Variants in TRIM22 observed in about 807,000 individuals in gnomAD.
TRIM22 encodes the protein E3 ubiquitin-protein ligase TRIM22.
In TRIM22, 45 loss-of-function variants were observed where a neutral mutation model predicts 53.6. That is an observed-to-expected ratio of 0.84 (90% CI 0.66 to 1.08). TRIM22 has a LOEUF of 1.08. Among genes scored for constraint, TRIM22 ranks in the 50% least tolerant of loss-of-function variants. TRIM22 has a pLI of 0.00. For synonymous variants in TRIM22, 225 were observed against 216.6 expected (o/e 1.04, Z -0.34); for missense variants, 616 against 590.9 (o/e 1.04, Z -0.44).
At chr11:5,708,786 G>A (rs368818538) in intron 7 of TRIM22, among the ~76,000 whole-genome samples, 183 bp downstream of exon 7, 6 of 150,900 alleles carry the variant, frequency 4.0e-5, no homozygotes, top group African/African-American at 7.3e-5. Context: ...GCGCGGTCTC[G>A]GCTCACTGCA....
chr11:5,701,555 T>C (rs924388839), intron 4 of TRIM22, among the ~76,000 whole-genome samples: 3 of 152,246 alleles, frequency 2.0e-5, no homozygotes, highest in African/African-American at 4.8e-5. Flanking sequence ...GAATATTCTA[T>C]GAATGCCATT....
rs1003505713 is a variant in TRIM22, at chr11:5,699,352, G to A, written c.750+807G>A. ...ATCCTGGCTAACAAGGTGAAACCCC[G>A]TCTCTACTAAAAATACAAAAAATTA... On this transcript the variant is annotated intron_variant, in intron 4 of 7. Transcript: ENST00000379965. Among the ~76,000 whole-genome samples the A allele has an allele frequency of 7.3e-5, 10 of 137,714 alleles. 1 individual carries two copies. Among genetic ancestry groups the A allele is most frequent in the Non-Finnish European group, 1.1e-4 (7 of 65,504 alleles). The allele number at this position is 137,714 out of a possible 152,430, so 90.3% of individuals were successfully genotyped here. A position where few individuals can be genotyped will look rare whatever the true frequency, so the allele number is the denominator to read the frequency against.
In TRIM22 at chr11:5,709,635, C is replaced by A; in HGVS notation, c.1484C>A (p.Pro495Gln). The change falls in exon 8 of 8, where the codon CCA becomes CAA. Residue 495 changes from proline (P) to glutamine (Q), a missense_variant. Pro to Gln is a moderately conservative substitution (Grantham distance 76). Transcript: ENST00000379965. ...WNCLVPMTVCPPSS is the reference protein window; with the variant it reads ...WNCLVPMTVCQPSS ...TGCCTAGTCCCCATGACTGTGTGCCCACCGAGCTCCTGAGTGTTCTCATTC... is the reference window on the plus strand; with the variant it reads ...TGCCTAGTCCCCATGACTGTGTGCCAACCGAGCTCCTGAGTGTTCTCATTC... 1 of 1,603,732 alleles carries A rather than the reference C, an allele frequency of 6.2e-7. No homozygotes were observed.
At chr11:5,693,689 T>TC (rs1853212334) in intron 1 of TRIM22, among the ~76,000 whole-genome samples, 1 of 117,888 alleles carries the variant, frequency 8.5e-6, no homozygotes, top group Admixed American at 1.2e-4. Context: ...ACCACTGCAC[T>TC]CCAGCCTGGG....
At chr11:5,702,223 C>T (rs1222640268) in intron 4 of TRIM22, among the ~76,000 whole-genome samples, 1 of 142,622 alleles carries the variant, frequency 7.0e-6, no homozygotes, top group Admixed American at 7.2e-5. Context: ...AACTAGTATA[C>T]ATAACTAATA....
At chr11:5,698,273 A>C in intron 3 of TRIM22, 42 bp from the exon 4 acceptor site, 1 of 1,566,974 alleles carries the variant, frequency 6.4e-7, no homozygotes, top group Non-Finnish European at 8.8e-7. Context: ...GCAGGCCTTC[A>C]ACCAGCCAGA....
intron 5 of TRIM22, 95 bp from the exon 6 acceptor site, chr11:5,708,078 G>A (rs1404677290): frequency 1.3e-5 from 13 of 1,012,764 alleles, no homozygotes; most frequent in South Asian, 4.2e-5. Context: ...GTCCAAGTGC[G>A]TCAGCAAGTA....
In TRIM22 at chr11:5,697,230, A is replaced by G. The variant is rs1235899394; in HGVS notation, c.424-18A>G. 18 of 1,579,194 alleles carry G rather than the reference A, an allele frequency of 1.1e-5. No individual in the cohort carries two copies. Among genetic ancestry groups the G allele is most frequent in the Non-Finnish European group, 1.6e-5 (18 of 1,158,172 alleles). ...AGAAAGCTCATAACTTTACTCTGGT[A>G]TAATTTATTTCTTACAGGAAAAGCT... is the stretch of plus-strand genomic sequence containing the variant. On this transcript the variant is annotated intron_variant, in intron 2 of 7. Coordinates refer to ENST00000379965, the MANE Select transcript of TRIM22 (RefSeq NM_006074.5).
intron 1 of TRIM22, among the ~76,000 whole-genome samples, chr11:5,693,845 C>T (rs555451528): frequency 5.9e-5 from 9 of 151,990 alleles, no homozygotes; most frequent in Non-Finnish European, 1.2e-4. Context: ...AATATATTGC[C>T]TTACAATTCT....
At chr11:5,692,359 T>G (rs185524154) in intron 1 of TRIM22, among the ~76,000 whole-genome samples, 1 of 152,192 alleles carries the variant, frequency 6.6e-6, no homozygotes, top group African/African-American at 2.4e-5. Flanking sequence ...ACTGATGAAC[T>G]AACTGTGAGA....
intron 4 of TRIM22, among the ~76,000 whole-genome samples, chr11:5,700,400 C>A (rs11038760): frequency 0.6 from 90,492 of 151,386 alleles, 27,282 homozygotes; most frequent in African/African-American, 0.65. Flanking sequence ...AAGGCGTGAG[C>A]CACCGCGCCT....
chr11:5,699,634 A>T (rs1853334819), intron 4 of TRIM22, among the ~76,000 whole-genome samples: 1 of 147,378 alleles, frequency 6.8e-6, no homozygotes, highest in Admixed American at 6.9e-5. Context: ...GTTGTTACTC[A>T]CTTTATATGA....
At chr11:5,692,011 T>C (rs1853181049) in intron 1 of TRIM22, among the ~76,000 whole-genome samples, 1 of 151,906 alleles carries the variant, frequency 6.6e-6, no homozygotes. Context: ...ACAGGTATAG[T>C]AAAAAAACAA....
chr11:5,710,137 G>T lies in TRIM22; in HGVS notation c.*489G>T. ...AATAAGATAATATTTGGAGGTATTG[G>T]GAATAAAAACTCCAACATATAAATT... On this transcript the variant is annotated 3_prime_UTR_variant, in exon 8 of 8. Coordinates refer to ENST00000379965, the MANE Select transcript of TRIM22 (RefSeq NM_006074.5). 6.5e-6 allele frequency: 1 copy of T among 152,926 alleles called. No individual in the cohort carries two copies. Among genetic ancestry groups the T allele is most frequent in the Non-Finnish European group, 1.5e-5 (1 of 68,630 alleles). The allele number at this position is 152,926 out of a possible 1,614,324, so 9.5% of individuals were successfully genotyped here.
chr11:5,700,145 C>T (rs1208647232), intron 4 of TRIM22, among the ~76,000 whole-genome samples: 2 of 150,260 alleles, frequency 1.3e-5, no homozygotes, highest in Non-Finnish European at 1.5e-5. Flanking sequence ...TTTTTGGAGA[C>T]GGAGTCTCTT....
intron 2 of TRIM22, 25 bp from the exon 3 acceptor site, chr11:5,697,223 C>T (rs1853279435): frequency 1.3e-6 from 2 of 1,561,810 alleles, no homozygotes; most frequent in East Asian, 2.2e-5. Flanking sequence ...CATAACTTTA[C>T]TCTGGTATAA....
chr11:5,707,846 ATTATT>A (rs1853485679), intron 5 of TRIM22, among the ~76,000 whole-genome samples: 1 of 151,774 alleles, frequency 6.6e-6, no homozygotes, highest in African/African-American at 2.4e-5. Flanking sequence ...CAAAAGCATT[ATTATT>A]TTATCTAATT....
In TRIM22 at chr11:5,707,135, G is replaced by A. The variant is rs137906247; in HGVS notation, c.773+519G>A. 5.4e-3 allele frequency among the ~76,000 whole-genome samples: 821 copies of A among 152,206 alleles called. 10 individuals are homozygous for A. Among genetic ancestry groups the A allele is most frequent in the African/African-American group, 0.019 (799 of 41,504 alleles). The stretch of plus-strand genomic sequence containing the variant: ...CCTTTTCTTGCTCACATACTTTACC[G>A]TCTTGTAGGAAAAAATAATATTCTT... On this transcript the variant is annotated intron_variant, in intron 5 of 7. Coordinates refer to ENST00000379965, the MANE Select transcript of TRIM22 (RefSeq NM_006074.5).
chr11:5,694,694 G>A (rs767736246), intron 1 of TRIM22, among the ~76,000 whole-genome samples: 7 of 152,046 alleles, frequency 4.6e-5, no homozygotes, highest in Non-Finnish European at 1.0e-4. Context: ...ATTTCTCAAG[G>A]GTTTTGTATG....
Sources: gnomAD v4.1 joint callset for allele counts (sites outside exome capture counted in the v4.1 genomes callset) on GRCh38, gnomAD v4.1.1 for gene constraint, MANE v1.5 for transcripts, NCBI Gene and HGNC (gene_info 2026-07-23, HGNC 2026-07-21) for gene names.